Variants in HMGB1 observed in about 807,000 individuals in gnomAD.
HMGB1 encodes the protein high mobility group box 1.
For synonymous variants in HMGB1, 81 were observed against 84.0 expected (o/e 0.96, Z 0.19); for missense variants, 79 against 253.5 (o/e 0.31, Z 4.67).
chr13:30,594,432 A>T (rs966042736), intron 1 of HMGB1, among the ~76,000 whole-genome samples: 4 of 151,982 alleles, frequency 2.6e-5, no homozygotes, highest in Non-Finnish European at 5.9e-5. Context: ...CTTTATGTCC[A>T]TGTGTACCCA....
chr13:30,480,063 T>C (rs1887191282), intron 1 of HMGB1, among the ~76,000 whole-genome samples: 1 of 152,220 alleles, frequency 6.6e-6, no homozygotes, highest in Non-Finnish European at 1.5e-5. Flanking sequence ...TGGCCTGTAA[T>C]GTCCTTCCCC....
chr13:30,563,508 C>G (rs1375116354), intron 1 of HMGB1, among the ~76,000 whole-genome samples: 2 of 152,120 alleles, frequency 1.3e-5, no homozygotes. Context: ...CCTCAGGAAG[C>G]TGAGGTGGGA....
intron 1 of HMGB1, among the ~76,000 whole-genome samples, chr13:30,481,418 T>C (rs1161746903): frequency 6.6e-6 from 1 of 152,190 alleles, no homozygotes; most frequent in Non-Finnish European, 1.5e-5. Flanking sequence ...CTGAGGGAGA[T>C]TGCAAGCACT....
chr13:30,576,563 C>T (rs564581875), intron 1 of HMGB1, among the ~76,000 whole-genome samples: 4 of 151,768 alleles, frequency 2.6e-5, no homozygotes, highest in African/African-American at 9.7e-5. Flanking sequence ...CTGCTTGCCT[C>T]GTAAATATTT....
At chr13:30,554,339 G>C (rs1252967561) in intron 1 of HMGB1, 6 of 895,220 alleles carry the variant, frequency 6.7e-6, no homozygotes, top group Non-Finnish European at 1.1e-5. Flanking sequence ...TGGGTGCACG[G>C]GCACCTTCTC....
At chr13:30,462,296 A>T (rs1440401751) in intron 4 of HMGB1, 2 of 517,184 alleles carry the variant, frequency 3.9e-6, no homozygotes, top group Non-Finnish European at 7.0e-6. Flanking sequence ...CATGAACTTC[A>T]AGATACTGGG....
intron 1 of HMGB1, among the ~76,000 whole-genome samples, chr13:30,576,212 TTTTA>T (rs1225695037): frequency 6.6e-6 from 1 of 152,212 alleles, no homozygotes; most frequent in Non-Finnish European, 1.5e-5. Flanking sequence ...CAATGGTGGA[TTTTA>T]TTTGATGTAT....
Position 30,461,306 on chromosome 13 carries a change from G to C in HMGB1, c.*51C>G. 1 of 1,518,948 alleles carries C rather than the reference G, an allele frequency of 6.6e-7. No individual in the cohort carries two copies. The highest frequency in any genetic ancestry group is 8.8e-7 in the Non-Finnish European group (1 of 1,140,750). 94.1% of individuals were successfully genotyped at this position (1,518,948 alleles called of 1,614,324 possible). On this transcript the variant is annotated 3_prime_UTR_variant, in exon 5 of 5. Transcript: ENST00000341423. ...TTTAAAAGGAGTGAGTTGTGTACAG[G>C]GGGGTTAAATGCTTTATAGACAAGA...
In HMGB1 at chr13:30,574,262, T is replaced by C. The variant is rs567175659; in HGVS notation, c.-15+42409A>G. On this transcript the variant is annotated intron_variant, in intron 1 of 4. Coordinates refer to the HMGB1 transcript ENST00000405805. ...TTTCTAATAGCATAACACTATTTTG[T>C]TTGTAGATATTTCTCTGATAGCATT... Among the ~76,000 whole-genome samples, 4 of 152,356 alleles carry C rather than the reference T, an allele frequency of 2.6e-5. No homozygotes were observed. In the East Asian group the frequency reaches 7.7e-4, roughly 29 times the overall value.
intron 1 of HMGB1, among the ~76,000 whole-genome samples, chr13:30,502,979 A>G (rs1162210817): frequency 6.6e-6 from 1 of 152,106 alleles, no homozygotes; most frequent in Non-Finnish European, 1.5e-5. Context: ...CTTAGTCTCC[A>G]CACTCTTAAC....
At chr13:30,577,880 T>C (rs564291695) in intron 1 of HMGB1, among the ~76,000 whole-genome samples, 1 of 152,332 alleles carries the variant, frequency 6.6e-6, no homozygotes, top group African/African-American at 2.4e-5. Flanking sequence ...TCCTCATGTT[T>C]TAAAACACTT....
At chr13:30,500,486 C>A (rs373759880) in intron 1 of HMGB1, among the ~76,000 whole-genome samples, 2 of 151,254 alleles carry the variant, frequency 1.3e-5, no homozygotes, top group South Asian at 4.2e-4. Context: ...CCTCCCCACT[C>A]AGCCTCCCAA....
chr13:30,481,271 A>AC lies in HMGB1; in HGVS notation c.-14-17578_-14-17577insG, dbSNP rs564004172. Among the ~76,000 whole-genome samples, 770 of 138,016 alleles carry AC rather than the reference A, an allele frequency of 5.6e-3. 6 individuals carry two copies. Among genetic ancestry groups the AC allele is most frequent in the Middle Eastern group, 0.011 (3 of 268 alleles). The allele number at this position is 138,016 out of a possible 152,430, so 90.5% of individuals were successfully genotyped here. ...GGGATTTTTTGATGGAGAAAAAAAAAACACACAGATGAGATTAGAAGAAGA... is the reference window on the plus strand; with the variant it reads ...GGGATTTTTTGATGGAGAAAAAAAAACACACACAGATGAGATTAGAAGAAGA... On this transcript the variant is annotated intron_variant, in intron 1 of 4. Transcript: ENST00000405805.
intron 1 of HMGB1, among the ~76,000 whole-genome samples, chr13:30,475,641 A>G (rs1204913064): frequency 1.3e-5 from 2 of 152,084 alleles, no homozygotes; most frequent in African/African-American, 4.8e-5. Flanking sequence ...TTGAGGCTGC[A>G]GTGAGCTATG....
intron 1 of HMGB1, among the ~76,000 whole-genome samples, chr13:30,519,742 T>G (rs912483223): frequency 2.6e-5 from 4 of 152,110 alleles, no homozygotes; most frequent in South Asian, 2.1e-4. Context: ...GATGTCACAT[T>G]GAACTTAGAA....
intron 1 of HMGB1, among the ~76,000 whole-genome samples, chr13:30,476,113 A>G (rs1275938035): frequency 1.4e-5 from 2 of 139,512 alleles, no homozygotes; most frequent in Non-Finnish European, 3.1e-5. Flanking sequence ...CGCAGGTGGC[A>G]TGTACTTTTT....
intron 1 of HMGB1, among the ~76,000 whole-genome samples, chr13:30,519,137 A>T (rs1300933520): frequency 6.6e-6 from 1 of 152,114 alleles, no homozygotes; most frequent in Non-Finnish European, 1.5e-5. Flanking sequence ...TCATGCCTGT[A>T]ATCCCTGCAC....
intron 1 of HMGB1, among the ~76,000 whole-genome samples, chr13:30,581,921 G>A (rs1223653818): frequency 6.6e-6 from 1 of 152,110 alleles, no homozygotes; most frequent in Admixed American, 6.5e-5. Context: ...GAGATATGGG[G>A]GTAAAAGTGT....
At chr13:30,461,834 CT>C (rs1244132968) in intron 4 of HMGB1, 1 of 512,658 alleles carries the variant, frequency 2.0e-6, no homozygotes, top group African/African-American at 2.0e-5. Flanking sequence ...AATGTAGAGA[CT>C]TTGATTAAAG....
Sources: gnomAD v4.1 joint callset for allele counts (sites outside exome capture counted in the v4.1 genomes callset) on GRCh38, gnomAD v4.1.1 for gene constraint, MANE v1.5 for transcripts, NCBI Gene and HGNC (gene_info 2026-07-23, HGNC 2026-07-21) for gene names.